The following SLC39A12 variants were observed in gnomAD, a reference collection of about 807,000 sequenced individuals.
The protein encoded by SLC39A12 is zinc transporter ZIP12.
In SLC39A12, 63 loss-of-function variants were observed where a neutral mutation model predicts 71.1. That is an observed-to-expected ratio of 0.89 (90% CI 0.72 to 1.09). The LOEUF (loss-of-function observed/expected upper bound fraction) is 1.09. Among genes scored for constraint, SLC39A12 ranks in the 50% least tolerant of loss-of-function variants. The pLI, the probability that SLC39A12 is intolerant of heterozygous loss-of-function variation, is 0.00. For missense variants in SLC39A12, 892 were observed against 812.6 expected, an observed-to-expected ratio of 1.10 and a Z score of -1.19; for synonymous variants, 351 against 301.3, an observed-to-expected ratio of 1.16 and a Z score of -1.71.
chr10:17,987,344 A>G, intron 6 of SLC39A12, 135 bp from the exon 7 acceptor site: 1 of 749,224 alleles, frequency 1.3e-6, no homozygotes, highest in Admixed American at 2.8e-5. Flanking sequence ...CAAAATAAAA[A>G]CAAAACACTT....
chr10:18,036,598 TC>T (rs1332072113), intron 12 of SLC39A12, among the ~76,000 whole-genome samples: 1 of 151,536 alleles, frequency 6.6e-6, no homozygotes, highest in African/African-American at 2.4e-5. Flanking sequence ...AATGCAGAAA[TC>T]ACCCGTCTTC....
At chr10:18,040,662 G>A (rs932329599) in intron 12 of SLC39A12, among the ~76,000 whole-genome samples, 2 of 151,782 alleles carry the variant, frequency 1.3e-5, no homozygotes, top group East Asian at 1.9e-4. Flanking sequence ...CCAGCTACTC[G>A]GGAGGCTGAG....
At chr10:18,027,563 G>A (rs1317132612) in intron 12 of SLC39A12, among the ~76,000 whole-genome samples, 1 of 152,200 alleles carries the variant, frequency 6.6e-6, no homozygotes, top group South Asian at 2.1e-4. Flanking sequence ...TAAACTCAGA[G>A]TTGTCCAGGC....
At chr10:18,004,219 G>T (rs116738355) in intron 12 of SLC39A12, 1 of 152,044 alleles carries the variant, frequency 6.6e-6, no homozygotes, top group African/African-American at 2.4e-5. Context: ...CCTTCTCATG[G>T]GTTGGAATAT....
chr10:17,953,345 T>C lies in SLC39A12; in HGVS notation c.69T>C (p.Ser23=). The C allele has an allele frequency of 6.2e-7, 1 of 1,614,190 alleles. No individual in the cohort carries two copies. The highest frequency in any genetic ancestry group is 8.5e-7 in the Non-Finnish European group (1 of 1,180,018). Residue 23 remains serine, a synonymous_variant, in exon 2 of 13, where the codon TCT becomes TCC. Transcript: ENST00000377369. ...TTCTTCTACTCAGCCGTGTTTTTTC[T>C]ACTGAGACAGACAAACCCTCAGCCC... The part of the protein sequence containing the change: ...PLFLLLSRVF[S]TETDKPSAQD...
intron 12 of SLC39A12, 61 bp from the exon 13 acceptor site, chr10:18,042,644 A>G: frequency 6.6e-7 from 1 of 1,523,830 alleles, no homozygotes; most frequent in East Asian, 2.4e-5. Context: ...TTTTCCCACC[A>G]AGCTTTTCCC....
chr10:17,993,356 C>A, intron 9 of SLC39A12, 65 bp downstream of exon 9: 1 of 1,112,598 alleles, frequency 9.0e-7, no homozygotes, highest in East Asian at 2.6e-5. Context: ...CCTCAATGAA[C>A]AAATGAAAAT....
Position 18,020,457 on chromosome 10 carries a change from G to A in SLC39A12, c.1947+17099G>A, listed in dbSNP as rs144777719. 9.8e-3 allele frequency among the ~76,000 whole-genome samples: 1,486 copies of A among 152,124 alleles called. 20 individuals carry two copies. Among genetic ancestry groups the A allele is most frequent in the Middle Eastern group, 0.014 (4 of 294 alleles). On this transcript the variant is annotated intron_variant, in intron 12 of 12. Coordinates refer to ENST00000377369, the MANE Select transcript of SLC39A12 (RefSeq NM_001145195.2). Reference sequence around the variant, plus strand: ...GGTGCATGTGTCTTTATGGTAGAATGATTTATATTCTTTTGGATATATATA... The same window carrying A: ...GGTGCATGTGTCTTTATGGTAGAATAATTTATATTCTTTTGGATATATATA...
intron 12 of SLC39A12, among the ~76,000 whole-genome samples, chr10:18,036,675 C>T (rs1345254476): frequency 6.7e-6 from 1 of 149,546 alleles, no homozygotes; most frequent in Non-Finnish European, 1.5e-5. Context: ...GCTCCTCCCC[C>T]GTGATATCTT....
At chr10:17,986,621 C>T (rs1835404452) in intron 6 of SLC39A12, among the ~76,000 whole-genome samples, 1 of 152,220 alleles carries the variant, frequency 6.6e-6, no homozygotes, top group African/African-American at 2.4e-5. Context: ...GGTTAGGTTT[C>T]AACATGTGAA....
intron 10 of SLC39A12, among the ~76,000 whole-genome samples, 160 bp from the exon 11 acceptor site, chr10:18,000,506 GA>G (rs1835801756): frequency 6.6e-6 from 1 of 152,204 alleles, no homozygotes; most frequent in Non-Finnish European, 1.5e-5. Context: ...TATCACACTT[GA>G]ATCTCTAGTC....
At chr10:17,960,727 T>A (rs1011338473) in intron 2 of SLC39A12, among the ~76,000 whole-genome samples, 8 of 152,218 alleles carry the variant, frequency 5.3e-5, no homozygotes, top group African/African-American at 1.9e-4. Flanking sequence ...CAGTAACCAC[T>A]AGCCCGCTTG....
intron 12 of SLC39A12, among the ~76,000 whole-genome samples, chr10:18,039,340 T>C (rs1837155058): frequency 6.6e-6 from 1 of 152,154 alleles, no homozygotes; most frequent in South Asian, 2.1e-4. Context: ...CAGATGCAGT[T>C]TGAGATGCAG....
At chr10:18,023,982 C>T (rs549582503) in intron 12 of SLC39A12, among the ~76,000 whole-genome samples, 5 of 152,264 alleles carry the variant, frequency 3.3e-5, no homozygotes, top group African/African-American at 9.6e-5. Flanking sequence ...ACCCTTTGCT[C>T]TAACTGCAGC....
At chr10:18,015,936 C>A (rs1313211632) in intron 12 of SLC39A12, among the ~76,000 whole-genome samples, 2 of 152,014 alleles carry the variant, frequency 1.3e-5, no homozygotes, top group Non-Finnish European at 2.9e-5. Context: ...TCAGAAGGTA[C>A]AGAGTTCCCA....
chr10:17,979,970 G>A (rs1343362616), intron 5 of SLC39A12, among the ~76,000 whole-genome samples: 1 of 152,156 alleles, frequency 6.6e-6, no homozygotes, highest in African/African-American at 2.4e-5. Context: ...GTGAAAGGAA[G>A]TAGATATATG....
intron 6 of SLC39A12, among the ~76,000 whole-genome samples, chr10:17,984,486 G>C (rs1347775702): frequency 1.3e-5 from 2 of 152,156 alleles, no homozygotes; most frequent in Non-Finnish European, 2.9e-5. Context: ...TGGGACAGCT[G>C]TAAATTTTAT....
chr10:18,022,592 G>A (rs777264561), intron 12 of SLC39A12, among the ~76,000 whole-genome samples: 2 of 152,090 alleles, frequency 1.3e-5, no homozygotes, highest in Non-Finnish European at 2.9e-5. Flanking sequence ...GAATCTCGAT[G>A]ATCTTTGTTG....
chr10:18,014,023 A>G (rs4570473), intron 12 of SLC39A12, among the ~76,000 whole-genome samples: 11,542 of 152,200 alleles, frequency 0.076, 815 homozygotes, highest in African/African-American at 0.18. Flanking sequence ...ATTTTGGTAG[A>G]GATTACGTTT....
Sources: gnomAD v4.1 joint callset for allele counts (sites outside exome capture counted in the v4.1 genomes callset) on GRCh38, gnomAD v4.1.1 for gene constraint, MANE v1.5 for transcripts, NCBI Gene and HGNC (gene_info 2026-07-23, HGNC 2026-07-21) for gene names.